VTI1A: variants seen among roughly 807,000 people sequenced by gnomAD.
VTI1A encodes the protein vesicle transport through interaction with t-SNAREs 1A.
In VTI1A, 22 loss-of-function variants were observed where a neutral mutation model predicts 34.9. That is an observed-to-expected ratio of 0.63 (90% CI 0.45 to 0.90). The LOEUF is 0.90. VTI1A is among the 40% of genes least tolerant of loss of function. The probability of loss-of-function intolerance (pLI) is 0.00; values close to 1 mark genes in which losing one functional copy is unlikely to be tolerated. For missense variants in VTI1A, 268 were observed against 275.6 expected (o/e 0.97, Z 0.20); for synonymous variants, 87 against 97.3 (o/e 0.89, Z 0.62).
the VTI1A span, among the ~76,000 whole-genome samples, chr10:112,851,108 A>G: frequency 6.6e-6 from 1 of 152,216 alleles, no homozygotes; most frequent in Non-Finnish European, 1.5e-5. Flanking sequence ...AACAGAAACT[A>G]TAGCAGACAC....
At chr10:112,492,396 A>G (rs991536475) in intron 3 of VTI1A, among the ~76,000 whole-genome samples, 2 of 152,216 alleles carry the variant, frequency 1.3e-5, no homozygotes. Context: ...TGCGCGGTAT[A>G]TCATTGCAAT....
Position 112,729,533 on chromosome 10 carries a change from G to T in VTI1A, c.560+60535G>T, listed in dbSNP as rs192629747. 1.2e-3 allele frequency among the ~76,000 whole-genome samples: 176 copies of T among 152,252 alleles called. 1 individual carries two copies. Among genetic ancestry groups the T allele is most frequent in the African/African-American group, 3.9e-3 (160 of 41,534 alleles). On this transcript the variant is annotated intron_variant, in intron 7 of 7. Transcript: ENST00000393077. ...GTTAAAGAAACTTAGACTCCATAAG[G>T]TTAAGAAGTTATAGCTCTGTGTAGA... is the stretch of plus-strand genomic sequence containing the variant.
intron 1 of VTI1A, among the ~76,000 whole-genome samples, chr10:112,454,082 G>A (rs59634038): frequency 6.6e-6 from 1 of 152,142 alleles, no homozygotes; most frequent in Admixed American, 6.5e-5. Context: ...ACACAGGGTA[G>A]CATCAGTAAT....
intron 7 of VTI1A, among the ~76,000 whole-genome samples, chr10:112,723,690 A>G (rs1849899562): frequency 6.6e-6 from 1 of 152,234 alleles, no homozygotes; most frequent in Non-Finnish European, 1.5e-5. Context: ...CTAATCGTTT[A>G]AAAAGTAAAT....
At position 112,541,249 on chromosome 10, in the gene VTI1A, G is replaced by A. The variant is rs571306884; in HGVS notation, c.427+2919G>A. ...CTATAGCCTGATATACTGAATTGGA[G>A]AGAGAGAAAAACCACATCATCTGTC... On this transcript the variant is annotated intron_variant, in intron 5 of 7. Transcript: ENST00000393077. Among the ~76,000 whole-genome samples, 3 of 152,180 alleles carry A rather than the reference G, an allele frequency of 2.0e-5. No homozygotes were observed. In the East Asian group the frequency reaches 5.8e-4, roughly 29 times the overall value.
At chr10:112,491,032 C>T (rs540858255) in intron 3 of VTI1A, among the ~76,000 whole-genome samples, 5 of 152,190 alleles carry the variant, frequency 3.3e-5, no homozygotes, top group Admixed American at 6.5e-5. Context: ...CCACCTTTCC[C>T]CAGTATAAAG....
chr10:112,815,179 C>T, intron 7 of VTI1A, 111 bp from the exon 8 acceptor site: 1 of 387,948 alleles, frequency 2.6e-6, no homozygotes, highest in Non-Finnish European at 4.9e-6. Context: ...ACACGCTCCC[C>T]ACCCCCACCT....
chr10:112,687,706 G>C (rs910882564), intron 7 of VTI1A, among the ~76,000 whole-genome samples: 1 of 152,034 alleles, frequency 6.6e-6, no homozygotes, highest in African/African-American at 2.4e-5. Flanking sequence ...CAACTGCCTC[G>C]TTGATCAAGT....
intron 7 of VTI1A, among the ~76,000 whole-genome samples, chr10:112,759,969 T>C (rs1222907889): frequency 6.6e-6 from 1 of 152,226 alleles, no homozygotes; most frequent in Non-Finnish European, 1.5e-5. Context: ...CAGTTTGGGA[T>C]GGGAGAACAA....
At chr10:112,795,680 G>C (rs12258588) in intron 7 of VTI1A, among the ~76,000 whole-genome samples, 2 of 151,824 alleles carry the variant, frequency 1.3e-5, no homozygotes, top group Non-Finnish European at 1.5e-5. Flanking sequence ...CAGGTGATCC[G>C]CCCACCTCGG....
At chr10:112,758,211 C>A (rs1851352364) in intron 7 of VTI1A, among the ~76,000 whole-genome samples, 4 of 152,102 alleles carry the variant, frequency 2.6e-5, no homozygotes, top group Admixed American at 2.0e-4. Context: ...GGGGGTCTTG[C>A]ACAGGGTAGT....
chr10:112,674,460 A>G (rs1374251778), intron 7 of VTI1A, among the ~76,000 whole-genome samples: 2 of 152,192 alleles, frequency 1.3e-5, no homozygotes, highest in African/African-American at 4.8e-5. Flanking sequence ...CAAGGCCAGC[A>G]TGGGTAACGT....
intron 3 of VTI1A, among the ~76,000 whole-genome samples, chr10:112,520,938 T>C (rs189946504): frequency 5.3e-5 from 8 of 152,122 alleles, no homozygotes; most frequent in African/African-American, 1.9e-4. Context: ...ATTTTGGCAG[T>C]CTCATGGTAA....
chr10:112,743,034 G>GT (rs930746997), intron 7 of VTI1A, among the ~76,000 whole-genome samples: 1 of 151,738 alleles, frequency 6.6e-6, no homozygotes, highest in Non-Finnish European at 1.5e-5. Flanking sequence ...GTGTGTGTGT[G>GT]TGTGTGTGTG....
At chr10:112,560,504 C>G (rs1851688472) in intron 5 of VTI1A, among the ~76,000 whole-genome samples, 1 of 151,960 alleles carries the variant, frequency 6.6e-6, no homozygotes, top group Admixed American at 6.6e-5. Flanking sequence ...TTTTTGTTTG[C>G]CTTCTCCACA....
chr10:112,519,444 C>T (rs997618072), intron 3 of VTI1A, among the ~76,000 whole-genome samples: 2 of 152,098 alleles, frequency 1.3e-5, no homozygotes, highest in Non-Finnish European at 1.5e-5. Flanking sequence ...TTATCACCCT[C>T]GATCTTGATT....
At chr10:112,660,083 A>G (rs766113456) in intron 5 of VTI1A, among the ~76,000 whole-genome samples, 2 of 152,236 alleles carry the variant, frequency 1.3e-5, no homozygotes, top group East Asian at 1.9e-4. Flanking sequence ...CTCTGGAGTC[A>G]CTGAATTCTA....
the VTI1A span, among the ~76,000 whole-genome samples, chr10:112,845,371 T>G: frequency 6.6e-6 from 1 of 152,162 alleles, no homozygotes; most frequent in African/African-American, 2.4e-5. Flanking sequence ...TTGGCACAGG[T>G]GGCTGGAGAG....
At chr10:112,753,231 A>T (rs7894972) in intron 7 of VTI1A, among the ~76,000 whole-genome samples, 6 of 151,830 alleles carry the variant, frequency 4.0e-5, no homozygotes, top group African/African-American at 1.4e-4. Context: ...CCAGGTTTAT[A>T]CACATAAGAG....
Sources: allele counts gnomAD v4.1 joint callset (sites outside exome capture counted in the v4.1 genomes callset), GRCh38; gene constraint gnomAD v4.1.1; transcripts MANE v1.5; gene names NCBI Gene and HGNC (gene_info 2026-07-23, HGNC 2026-07-21).